MILR1: variants seen among roughly 807,000 people sequenced by gnomAD.
MILR1 encodes the protein allergin-1.
Under a neutral mutation model 18.5 loss-of-function variants are expected in MILR1, and 31 were observed. The ratio of observed to expected loss-of-function variants is 1.68; its 90% confidence interval spans 1.26 to 2.26. The LOEUF (loss-of-function observed/expected upper bound fraction) is 2.26, where lower values mean the gene tolerates loss of function less well. MILR1 is among the 30% of genes most tolerant of loss of function. MILR1 has a pLI of 0.00. For synonymous variants in MILR1, 85 were observed against 56.2 expected (o/e 1.51, Z -2.30); for missense variants, 257 against 157.4 (o/e 1.63, Z -3.38).
chr17:64,497,182 T>G, the MILR1 span: 5 of 624,696 alleles, frequency 8.0e-6, no homozygotes, highest in Non-Finnish European at 1.4e-5. Flanking sequence ...GATGGTTCTC[T>G]GCTAGCTTGC....
chr17:64,484,288 A>G, the MILR1 span: 1 of 152,278 alleles, frequency 6.6e-6, no homozygotes, highest in Admixed American at 6.6e-5. Context: ...AACACTCGAA[A>G]GAAGGTGGGG....
At chr17:64,481,417 A>C in the MILR1 span, 5 of 985,296 alleles carry the variant, frequency 5.1e-6, no homozygotes, top group African/African-American at 3.5e-5. Flanking sequence ...TCAATCACCC[A>C]GACAGAAATG....
chr17:64,495,647 T>C, the MILR1 span, among the ~76,000 whole-genome samples: 4 of 152,360 alleles, frequency 2.6e-5, no homozygotes, highest in South Asian at 6.2e-4. Flanking sequence ...TACCTTCTTT[T>C]ACATATTATC....
chr17:64,462,186 C>T, intron 5 of MILR1, among the ~76,000 whole-genome samples: 1 of 152,072 alleles, frequency 6.6e-6, no homozygotes, highest in Non-Finnish European at 1.5e-5. Context: ...CTCTCTCTCT[C>T]TCTTCTTTTT....
chr17:64,468,731 A>T (rs1598108400), downstream of MILR1: 1 of 642,882 alleles, frequency 1.6e-6, no homozygotes, highest in Non-Finnish European at 1.9e-6. Flanking sequence ...GCACTGTCCA[A>T]TAGAAATATA....
intron 6 of MILR1, among the ~76,000 whole-genome samples, chr17:64,465,894 G>A (rs2037546123): frequency 6.6e-6 from 1 of 152,058 alleles, no homozygotes; most frequent in South Asian, 2.1e-4. Flanking sequence ...CTCAAAGCAG[G>A]CATTGCATAT....
chr17:64,473,679 A>C, the MILR1 span, among the ~76,000 whole-genome samples: 1 of 152,190 alleles, frequency 6.6e-6, no homozygotes, highest in Non-Finnish European at 1.5e-5. Context: ...ACAACTTACG[A>C]AATTTCTTTG....
At chr17:64,454,369 A>G (rs2037242998) in intron 3 of MILR1, among the ~76,000 whole-genome samples, 1 of 152,224 alleles carries the variant, frequency 6.6e-6, no homozygotes, top group African/African-American at 2.4e-5. Context: ...TTGGATTACA[A>G]GCACGTGCCA....
the MILR1 span, among the ~76,000 whole-genome samples, chr17:64,497,273 T>C: frequency 6.6e-6 from 1 of 152,390 alleles, no homozygotes; most frequent in Non-Finnish European, 1.5e-5. Flanking sequence ...CACCTATTTA[T>C]AACCGTGGTG....
chr17:64,476,283 A>G, the MILR1 span, among the ~76,000 whole-genome samples: 55 of 152,330 alleles, frequency 3.6e-4, no homozygotes, highest in South Asian at 9.1e-3. Context: ...TAATTCCTTG[A>G]TATCATGTAG....
At chr17:64,473,678 G>A in the MILR1 span, among the ~76,000 whole-genome samples, 2 of 152,190 alleles carry the variant, frequency 1.3e-5, no homozygotes, top group Admixed American at 6.5e-5. Flanking sequence ...TACAACTTAC[G>A]AAATTTCTTT....
chr17:64,466,405 C>T (rs1555663189), intron 6 of MILR1, 37 bp from the exon 7 acceptor site: 2 of 1,596,378 alleles, frequency 1.3e-6, no homozygotes, highest in Admixed American at 1.7e-5. Flanking sequence ...AACACAAACG[C>T]CACCAACCCC....
the MILR1 span, chr17:64,492,976 CT>C: frequency 1.2e-6 from 2 of 1,614,046 alleles, no homozygotes; most frequent in South Asian, 1.1e-5. Context: ...ATAAGGTAGC[CT>C]CTTGTTTACC....
At chr17:64,471,873 T>C (rs1347168844), downstream of MILR1, among the ~76,000 whole-genome samples, 1 of 152,198 alleles carries the variant, frequency 6.6e-6, no homozygotes, top group African/African-American at 2.4e-5. Flanking sequence ...GAACTTAGTA[T>C]AGGATAAATA....
the MILR1 span, among the ~76,000 whole-genome samples, chr17:64,476,187 T>C: frequency 6.6e-6 from 1 of 152,088 alleles, no homozygotes; most frequent in Admixed American, 6.6e-5. Flanking sequence ...TCAATTACCA[T>C]AAATGTATGT....
chr17:64,495,906 A>G, the MILR1 span, among the ~76,000 whole-genome samples: 1 of 151,950 alleles, frequency 6.6e-6, no homozygotes, highest in East Asian at 1.9e-4. Context: ...ACGGGGTTTC[A>G]CCATGTTGGC....
chr17:64,485,729 T>G, the MILR1 span: 1 of 1,612,010 alleles, frequency 6.2e-7, no homozygotes. Flanking sequence ...CAACAGCACC[T>G]TTCTATGAAG....
intron 3 of MILR1, among the ~76,000 whole-genome samples, chr17:64,456,227 A>G (rs2037297852): frequency 6.6e-6 from 1 of 151,854 alleles, no homozygotes; most frequent in Admixed American, 6.6e-5. Context: ...GTGAAGGTCA[A>G]ATGAGATCAT....
chr17:64,460,003 TA>T (rs2037393030), intron 4 of MILR1, among the ~76,000 whole-genome samples: 283 of 125,180 alleles, frequency 2.3e-3, no homozygotes, highest in African/African-American at 7.8e-3. Context: ...TTTATTTATT[TA>T]TTTATTTATT....
Sources: allele counts gnomAD v4.1 joint callset (sites outside exome capture counted in the v4.1 genomes callset), GRCh38; gene constraint gnomAD v4.1.1; transcripts MANE v1.5; gene names NCBI Gene and HGNC (gene_info 2026-07-23, HGNC 2026-07-21).